The following TMEM135 variants were observed in gnomAD, a reference collection of about 807,000 sequenced individuals.
TMEM135 encodes transmembrane protein 135.
A neutral mutation model predicts 60.3 loss-of-function variants in TMEM135; 30 were observed. That is an observed-to-expected ratio of 0.50 (90% CI 0.37 to 0.68). The LOEUF is 0.68. Ranked by LOEUF, TMEM135 falls within the 30% of genes least tolerant of loss-of-function variation. TMEM135 has a pLI of 0.00. For synonymous variants in TMEM135, 190 were observed against 186.7 expected, an observed-to-expected ratio of 1.02 and a Z score of -0.14; for missense variants, 468 against 548.8, an observed-to-expected ratio of 0.85 and a Z score of 1.47.
chr11:87,124,274 G>C lies in TMEM135; in HGVS notation c.396+32879G>C, dbSNP rs140209269. Among the ~76,000 whole-genome samples, 109 of 152,252 alleles carry C rather than the reference G, an allele frequency of 7.2e-4. 1 individual carries two copies. The highest frequency in any genetic ancestry group is 2.5e-3 in the African/African-American group (103 of 41,564). On this transcript the variant is annotated intron_variant, in intron 4 of 14. Transcript: ENST00000305494. ...AAGAGTCGAGTCTCAGGAAAAAATG[G>C]AACTAGGGCATCTACGGGAACTTAG...
intron 3 of TMEM135, among the ~76,000 whole-genome samples, chr11:87,090,853 G>A (rs1334320578): frequency 6.6e-6 from 1 of 152,054 alleles, no homozygotes; most frequent in Non-Finnish European, 1.5e-5. Flanking sequence ...CGTTTAAAAT[G>A]AAATTAAAAC....
chr11:87,194,769 C>T (rs2135321432), intron 5 of TMEM135, among the ~76,000 whole-genome samples: 1 of 152,188 alleles, frequency 6.6e-6, no homozygotes, highest in Middle Eastern at 3.4e-3. Context: ...AAGGGAAAAC[C>T]TAACTAAATC....
At chr11:87,148,019 G>A (rs1445474595) in intron 4 of TMEM135, among the ~76,000 whole-genome samples, 1 of 152,166 alleles carries the variant, frequency 6.6e-6, no homozygotes, top group Non-Finnish European at 1.5e-5. Flanking sequence ...GTCTCCCAAA[G>A]TGCTGGGATT....
intron 5 of TMEM135, among the ~76,000 whole-genome samples, chr11:87,174,686 T>C (rs994242059): frequency 3.9e-5 from 6 of 152,152 alleles, no homozygotes; most frequent in Non-Finnish European, 8.8e-5. Flanking sequence ...CCTCACGTCA[T>C]GTCATCGATA....
chr11:87,297,925 A>G (rs1435601056), intron 7 of TMEM135, among the ~76,000 whole-genome samples: 2 of 152,234 alleles, frequency 1.3e-5, no homozygotes, highest in Admixed American at 6.5e-5. Context: ...GACTCACCAC[A>G]TTGCACATGA....
At chr11:87,157,624 A>G (rs1938737585) in intron 5 of TMEM135, 6 of 469,806 alleles carry the variant, frequency 1.3e-5, no homozygotes, top group African/African-American at 3.9e-5. Flanking sequence ...TTTTACCTTT[A>G]GTTATCAAAT....
In TMEM135 at chr11:87,325,301, A is replaced by T; in HGVS notation, c.*3968A>T. The T allele has an allele frequency of 2.2e-6, 1 of 454,096 alleles. No homozygotes were observed. Among genetic ancestry groups the T allele is most frequent in the Non-Finnish European group, 4.4e-6 (1 of 226,788 alleles). 28.1% of individuals were successfully genotyped at this position (454,096 alleles called of 1,614,324 possible). A position where few individuals can be genotyped will look rare whatever the true frequency, so the allele number is the denominator to read the frequency against. On this transcript the variant is annotated 3_prime_UTR_variant, in exon 15 of 15. Coordinates refer to ENST00000305494, the MANE Select transcript of TMEM135 (RefSeq NM_022918.4). ...CTTCTGGAAACAGAAGTGGGGCAGT[A>T]AGTTGGCCATGATATAGCTAGTGTC...
intron 5 of TMEM135, among the ~76,000 whole-genome samples, chr11:87,159,841 A>G (rs1938819330): frequency 6.6e-6 from 1 of 152,190 alleles, no homozygotes; most frequent in East Asian, 1.9e-4. Flanking sequence ...TAGTATAAGA[A>G]CAATGGTAGA....
At position 87,299,352 on chromosome 11, in the gene TMEM135, AG is replaced by A. The variant is rs148739770; in HGVS notation, c.552-2941del. Among the ~76,000 whole-genome samples, 1,446 of 152,264 alleles carry A rather than the reference AG, an allele frequency of 9.5e-3. 25 individuals are homozygous for A. The highest frequency in any genetic ancestry group is 0.034 in the African/African-American group (1,395 of 41,546). ...GCAGGAGAGGGAGAGAGCTAGAGTG[AG>A]GGAGTGCCACACTTTAAAACCATTA... On this transcript the variant is annotated intron_variant, in intron 7 of 14. Coordinates refer to ENST00000305494, the MANE Select transcript of TMEM135 (RefSeq NM_022918.4).
intron 4 of TMEM135, among the ~76,000 whole-genome samples, chr11:87,111,661 A>AAAAG (rs1181424916): frequency 1.8e-5 from 1 of 55,644 alleles, no homozygotes; most frequent in Non-Finnish European, 3.0e-5. Context: ...AAAAAAAAAA[A>AAAAG]AAAAAAAAAA....
At chr11:87,215,629 G>C (rs1330778935) in intron 5 of TMEM135, among the ~76,000 whole-genome samples, 1 of 152,190 alleles carries the variant, frequency 6.6e-6, no homozygotes, top group African/African-American at 2.4e-5. Context: ...GCCATATTCT[G>C]TTGGTCAAAG....
chr11:87,213,364 A>G (rs182869927), intron 5 of TMEM135, among the ~76,000 whole-genome samples: 1 of 152,148 alleles, frequency 6.6e-6, no homozygotes, highest in Admixed American at 6.5e-5. Context: ...TTGGCAGTGT[A>G]TAACAGAATA....
rs1321002051 is a variant in TMEM135 at position 87,325,490 on chromosome 11, C to A, written c.*4157C>A. On this transcript the variant is annotated 3_prime_UTR_variant, in exon 15 of 15. Transcript: ENST00000305494. ...TTATTCTGTTGCTGTTTTATGTGGG[C>A]TCTCTCTCTCTCCCTCTCTCTCTCT... 2 of 453,356 alleles carry A rather than the reference C, an allele frequency of 4.4e-6. No homozygotes were observed. The highest frequency in any genetic ancestry group is 3.1e-5 in the South Asian group (2 of 64,402). 28.1% of individuals were successfully genotyped at this position (453,356 alleles called of 1,614,324 possible). A position where few individuals can be genotyped will look rare whatever the true frequency, so the allele number is the denominator to read the frequency against.
At chr11:87,173,901 T>A (rs1228946702) in intron 5 of TMEM135, among the ~76,000 whole-genome samples, 2 of 152,158 alleles carry the variant, frequency 1.3e-5, no homozygotes, top group Non-Finnish European at 2.9e-5. Context: ...AGTGCCAGTA[T>A]CTCAGTAATA....
rs1436330457 is a variant in TMEM135 at position 87,325,712 on chromosome 11, T to TA, written c.*4380dup. 8.8e-6 allele frequency: 4 copies of TA among 452,602 alleles called. No individual in the cohort carries two copies. The East Asian group carries it at 2.8e-4, about 32-fold the overall frequency. The allele number at this position is 452,602 out of a possible 1,614,324, so 28.0% of individuals were successfully genotyped here. On this transcript the variant is annotated 3_prime_UTR_variant, in exon 15 of 15. Coordinates refer to ENST00000305494, the MANE Select transcript of TMEM135 (RefSeq NM_022918.4). ...TTTCCAGAGACACTGATTTTTTTTT[T>TA]ATATGCTCTGTTTTTCTTAGGCAGG...
chr11:87,300,648 GTTCA>G (rs560810072), intron 7 of TMEM135, among the ~76,000 whole-genome samples: 1 of 152,160 alleles, frequency 6.6e-6, no homozygotes, highest in African/African-American at 2.4e-5. Flanking sequence ...CTATTACTAT[GTTCA>G]TTCATTCATT....
intron 4 of TMEM135, among the ~76,000 whole-genome samples, chr11:87,115,051 T>C (rs988596375): frequency 1.3e-5 from 2 of 152,174 alleles, no homozygotes; most frequent in African/African-American, 4.8e-5. Context: ...GAATGTTGAA[T>C]GTTGAGCTAT....
At chr11:87,152,986 G>A (rs947079756) in intron 4 of TMEM135, among the ~76,000 whole-genome samples, 1 of 152,006 alleles carries the variant, frequency 6.6e-6, no homozygotes, top group African/African-American at 2.4e-5. Flanking sequence ...ACATATATCA[G>A]TTTCCTTACC....
intron 4 of TMEM135, among the ~76,000 whole-genome samples, chr11:87,135,065 G>A (rs1381775522): frequency 6.6e-6 from 1 of 152,066 alleles, no homozygotes; most frequent in African/African-American, 2.4e-5. Flanking sequence ...CAAAACTATT[G>A]CATATTTTAA....
Sources: gnomAD v4.1 joint callset for allele counts (sites outside exome capture counted in the v4.1 genomes callset) on GRCh38, gnomAD v4.1.1 for gene constraint, MANE v1.5 for transcripts, NCBI Gene and HGNC (gene_info 2026-07-23, HGNC 2026-07-21) for gene names.